Variants in MIA3 observed in about 807,000 individuals in gnomAD.
MIA3 encodes transport and Golgi organization protein 1 homolog.
MIA3 carries 90 observed loss-of-function variants against 192.4 expected under a neutral mutation model. That is an observed-to-expected ratio of 0.47 (90% confidence interval 0.39 to 0.56). The LOEUF (loss-of-function observed/expected upper bound fraction) is 0.56, where lower values mean the gene tolerates loss of function less well. Among genes scored for constraint, MIA3 ranks in the 20% least tolerant of loss-of-function variants. MIA3 has a pLI of 0.00. For missense variants in MIA3, 2,123 were observed against 2,269.4 expected, an observed-to-expected ratio of 0.94 and a Z score of 1.31; for synonymous variants, 740 against 792.8, an observed-to-expected ratio of 0.93 and a Z score of 1.12.
At position 222,628,196 on chromosome 1, in the gene MIA3, G is replaced by T; in HGVS notation, c.976G>T (p.Asp326Tyr). 6.2e-7 allele frequency: 1 copy of T among 1,614,094 alleles called. No individual in the cohort carries two copies. The highest frequency in any genetic ancestry group is 8.5e-7 in the Non-Finnish European group (1 of 1,180,024). The change falls in exon 4 of 28, where the codon GAT becomes TAT. Residue 326 changes from aspartate (D) to tyrosine (Y), a missense_variant. Coordinates refer to ENST00000344922, the MANE Select transcript of MIA3 (RefSeq NM_198551.4). ...AGATGAGGAGAACCAAGAAGACTTTGATGAGTTGCCATTACTTACCTTTAC... is the reference window on the plus strand; with the variant it reads ...AGATGAGGAGAACCAAGAAGACTTTTATGAGTTGCCATTACTTACCTTTAC... ...KEDEENQEDF[D>Y]ELPLLTFTDG...
At chr1:222,644,330 A>G (rs1184268842) in intron 6 of MIA3, 3 of 1,460,264 alleles carry the variant, frequency 2.1e-6, no homozygotes, top group Non-Finnish European at 2.7e-6. Context: ...GCATAAAGCG[A>G]AAGTGCAGGC....
In MIA3 at chr1:222,633,100, C is replaced by A. The variant is rs763041008; in HGVS notation, c.3332-4C>A. 1.9e-6 allele frequency: 3 copies of A among 1,579,906 alleles called. No homozygotes were observed. The South Asian group carries it at 3.5e-5, about 19-fold the overall frequency. On this transcript the variant is annotated splice_polypyrimidine_tract_variant and splice_region_variant and intron_variant, in intron 5 of 27. Coordinates refer to ENST00000344922, the MANE Select transcript of MIA3 (RefSeq NM_198551.4). ...AAAATGTCTATCTTTCCTCCCAATT[C>A]CAGGGCCAGTTACAACAGAAGACAC...
At position 222,629,037 on chromosome 1, in the gene MIA3, T is replaced by C; in HGVS notation, c.1817T>C (p.Leu606Pro). 1.9e-6 allele frequency: 3 copies of C among 1,614,200 alleles called. No individual in the cohort carries two copies. Among genetic ancestry groups the C allele is most frequent in the Non-Finnish European group, 2.5e-6 (3 of 1,180,032 alleles). The change falls in exon 4 of 28, where the codon CTG becomes CCG. Residue 606 changes from leucine (L) to proline (P), a missense_variant. Leu to Pro is a moderately conservative substitution (Grantham distance 98). Around this residue, in one of 3 missense-constraint regions of MIA3, gnomAD observed 1,357 missense variants for 1,396.1 expected, o/e 0.97. Coordinates refer to ENST00000344922, the MANE Select transcript of MIA3 (RefSeq NM_198551.4). Reference sequence around the variant, plus strand: ...GACGCTTTGGTAAATGGGGCCAAACTGCACACGCTTTCAGTGGAGCATCAA... The same window carrying C: ...GACGCTTTGGTAAATGGGGCCAAACCGCACACGCTTTCAGTGGAGCATCAA... ...EGDALVNGAK[L>P]HTLSVEHQRE...
intron 7 of MIA3, among the ~76,000 whole-genome samples, chr1:222,646,343 A>T (rs1663141992): frequency 1.3e-5 from 2 of 149,976 alleles, no homozygotes; most frequent in African/African-American, 4.9e-5. Flanking sequence ...TGAACCTGGG[A>T]GGCGGAGGCT....
At position 222,627,887 on chromosome 1, in the gene MIA3, G is replaced by A; in HGVS notation, c.667G>A (p.Glu223Lys). The A allele has an allele frequency of 6.2e-7, 1 of 1,614,062 alleles. No homozygotes were observed. Among genetic ancestry groups the A allele is most frequent in the Non-Finnish European group, 8.5e-7 (1 of 1,180,018 alleles). ...ANSQANHAQG[E>K]QASFESFEEM... ...CAGCCAAGCAAATCATGCTCAGGGA[G>A]AGCAGGCTTCATTTGAATCTTTTGA... Residue 223 changes from glutamate to lysine, a missense_variant, in exon 4 of 28, where the codon GAG becomes AAG. By Grantham distance (56) the Glu-to-Lys change is moderately conservative (BLOSUM62 1). Transcript: ENST00000344922.
rs114002245 is a variant in MIA3 at position 222,637,302 on chromosome 1, A to G, written c.3477+4053A>G. On this transcript the variant is annotated intron_variant, in intron 6 of 27. Transcript: ENST00000344922. ...TAGTTGCATCAGTAGTCAAATTCAGATTCAATTTTGTTTGTCAAGAATACT... is the reference window on the plus strand; with the variant it reads ...TAGTTGCATCAGTAGTCAAATTCAGGTTCAATTTTGTTTGTCAAGAATACT... Among the ~76,000 whole-genome samples, 1,505 of 152,264 alleles carry G rather than the reference A, an allele frequency of 9.9e-3. 27 individuals are homozygous for G. Among genetic ancestry groups the G allele is most frequent in the African/African-American group, 0.034 (1,418 of 41,542 alleles).
chr1:222,622,765 T>C (rs1661932271), intron 2 of MIA3, among the ~76,000 whole-genome samples: 1 of 152,236 alleles, frequency 6.6e-6, no homozygotes, highest in African/African-American at 2.4e-5. Flanking sequence ...TTTGAGCATT[T>C]GGATGAATGA....
At chr1:222,660,926 A>C (rs142577281) in intron 24 of MIA3, 2 of 152,786 alleles carry the variant, frequency 1.3e-5, no homozygotes, top group African/African-American at 4.8e-5. Flanking sequence ...AAACACATGT[A>C]AAGATGCAGT....
intron 18 of MIA3, 105 bp downstream of exon 18, chr1:222,654,898 C>T (rs1200679866): frequency 2.0e-6 from 2 of 980,732 alleles, no homozygotes; most frequent in East Asian, 2.5e-5. Flanking sequence ...TCTTTTGCAT[C>T]TGTAATTAGT....
intron 8 of MIA3, chr1:222,649,657 A>G (rs28709375): frequency 0.57 from 87,210 of 152,582 alleles, 28,148 homozygotes; most frequent in Non-Finnish European, 0.72. Context: ...AGTCCCAGCT[A>G]CTCAGGAGGC....
rs1259058449 is a variant in MIA3 at position 222,622,720 on chromosome 1, A to G, written c.267+1428A>G. On this transcript the variant is annotated intron_variant, in intron 2 of 27. Coordinates refer to ENST00000344922, the MANE Select transcript of MIA3 (RefSeq NM_198551.4). ...CCATGTACCTAGGCTGCGTTTTTTC[A>G]TAGAAAAGTTAAGTTTTTTTTTCCA... Among the ~76,000 whole-genome samples, 5 of 152,348 alleles carry G rather than the reference A, an allele frequency of 3.3e-5. No homozygotes were observed. In the East Asian group the frequency reaches 7.7e-4, roughly 24 times the overall value.
chr1:222,641,382 TATCCCTC>T (rs1662845587), intron 6 of MIA3: 2 of 397,780 alleles, frequency 5.0e-6, no homozygotes, highest in East Asian at 1.2e-4. Context: ...GCCCAAGGGG[TATCCCTC>T]TGCCCCATTT....
chr1:222,647,097 G>C (rs1376691776), intron 7 of MIA3, among the ~76,000 whole-genome samples: 2 of 152,134 alleles, frequency 1.3e-5, no homozygotes, highest in Non-Finnish European at 2.9e-5. Context: ...GTATTTTCCA[G>C]ATTTTCTGAT....
In MIA3 at chr1:222,665,521, G is replaced by C. The variant is rs1472285095; in HGVS notation, c.5626G>C (p.Val1876Leu). 2.5e-6 allele frequency: 4 copies of C among 1,614,060 alleles called. No homozygotes were observed. In the South Asian group the frequency reaches 3.3e-5, roughly 13 times the overall value. Residue 1876 changes from valine (V) to leucine (L), a missense_variant, in exon 28 of 28, where the codon GTA becomes CTA. Transcript: ENST00000344922. ...GPQEYPPPPA[V>L]RDLLPSGSRD... ...CCAGGAATACCCACCACCACCTGCTGTAAGAGACTTACTGCCGTCAGGCTC... is the reference window on the plus strand; with the variant it reads ...CCAGGAATACCCACCACCACCTGCTCTAAGAGACTTACTGCCGTCAGGCTC...
intron 26 of MIA3, chr1:222,663,119 A>T (rs143310135): frequency 1.6e-4 from 24 of 152,308 alleles, no homozygotes; most frequent in African/African-American, 5.8e-4. Flanking sequence ...CCACTTTCCC[A>T]TAGGAAGTGA....
chr1:222,665,174 T>C (rs1664214385), intron 27 of MIA3, 135 bp from the exon 28 acceptor site: 5 of 654,676 alleles, frequency 7.6e-6, no homozygotes, highest in South Asian at 3.8e-5. Flanking sequence ...CTCCAGCCCA[T>C]GTGACAGGCA....
At position 222,628,277 on chromosome 1, in the gene MIA3, GATA is replaced by G; in HGVS notation, c.1059_1061del (p.Asp353_Lys354delinsGlu). Reference sequence around the variant, plus strand: ...GTCTGGCGTTGAGAAATATCCAACAGATAAAGAGCAGAATTCAAATGAAGAGGA... The same window carrying G: ...GTCTGGCGTTGAGAAATATCCAACAGAAGAGCAGAATTCAAATGAAGAGGA... On this transcript the variant is annotated inframe_deletion, in exon 4 of 28. Transcript: ENST00000344922. 6.2e-7 allele frequency: 1 copy of G among 1,614,056 alleles called. No individual in the cohort carries two copies. The highest frequency in any genetic ancestry group is 8.5e-7 in the Non-Finnish European group (1 of 1,180,014).
At chr1:222,638,740 T>C (rs1662735716) in intron 6 of MIA3, among the ~76,000 whole-genome samples, 1 of 151,740 alleles carries the variant, frequency 6.6e-6, no homozygotes, top group Non-Finnish European at 1.5e-5. Flanking sequence ...AAAACAAATA[T>C]ATCAAGTGTG....
chr1:222,639,933 T>C (rs1216604366), intron 6 of MIA3, among the ~76,000 whole-genome samples: 2 of 151,996 alleles, frequency 1.3e-5, no homozygotes, highest in Non-Finnish European at 2.9e-5. Flanking sequence ...ATAAGTAAAA[T>C]TGTCTTTTTT....
Sources: allele counts gnomAD v4.1 joint callset (sites outside exome capture counted in the v4.1 genomes callset), GRCh38; gene constraint gnomAD v4.1.1; regional missense constraint gnomAD v4.1.1; transcripts MANE v1.5; gene names NCBI Gene and HGNC (gene_info 2026-07-23, HGNC 2026-07-21).